The following AIFM3 variants were observed in gnomAD, a reference collection of about 807,000 sequenced individuals.
The protein encoded by AIFM3 is apoptosis-inducing factor 3.
AIFM3 carries 71 observed loss-of-function variants against 82.7 expected under a neutral mutation model. The observed-to-expected ratio is 0.86, with a 90% CI of 0.71 to 1.05. The LOEUF (loss-of-function observed/expected upper bound fraction) is 1.05, where lower values mean the gene tolerates loss of function less well. Ranked by LOEUF, AIFM3 falls within the 50% of genes least tolerant of loss-of-function variation. The pLI is 0.00. For missense variants in AIFM3, 748 were observed against 816.7 expected (o/e 0.92, Z 1.03); for synonymous variants, 337 against 329.1 (o/e 1.02, Z -0.26).
chr22:20,977,584 A>G, intron 14 of AIFM3, 116 bp from the exon 15 acceptor site: 6 of 1,318,594 alleles, frequency 4.6e-6, no homozygotes, highest in Non-Finnish European at 6.5e-6. Context: ...CCTCAGGTAG[A>G]CAGCCCCTGG....
chr22:20,973,655 C>T, intron 3 of AIFM3, 103 bp from the exon 4 acceptor site: 8 of 1,406,720 alleles, frequency 5.7e-6, no homozygotes. Flanking sequence ...TTTGTGGCTT[C>T]TACCGGTCTG....
At position 20,973,387 on chromosome 22, in the gene AIFM3, C is replaced by CG; in HGVS notation, c.115dup (p.Ala39GlyfsTer70). On this transcript the variant is annotated frameshift_variant, in exon 3 of 21. Transcript: ENST00000440238. LOFTEE classifies it high-confidence loss of function. ...GTCGGCCAGTGGGAAGGGCAGCCCC[C>CG]GGGCCTACCAGGGCAATGGCACGGC... 1 of 1,610,584 alleles carries CG rather than the reference C, an allele frequency of 6.2e-7. No homozygotes were observed.
chr22:20,967,955 G>T lies in AIFM3; in HGVS notation c.11G>T (p.Cys4Phe). MGG[C>F]FSKPKPVELK... The stretch of plus-strand genomic sequence containing the variant: ...CTCAGGCCACTCGCCATGGGCGGCT[G>T]CTTCTCCAAACCCAAACCAGGTACC... Residue 4 changes from cysteine (C) to phenylalanine (F), a missense_variant, in exon 2 of 21, where the codon TGC (cysteine) becomes TTC (phenylalanine). Around this residue, in one of 5 missense-constraint regions of AIFM3, gnomAD observed 17 missense variants for 19.0 expected, o/e 0.89. Transcript: ENST00000440238. 1 of 1,614,134 alleles carries T rather than the reference G, an allele frequency of 6.2e-7. No individual in the cohort carries two copies. The highest frequency in any genetic ancestry group is 1.1e-5 in the South Asian group (1 of 91,092).
In AIFM3 at chr22:20,967,925, C is replaced by T. The variant is rs1179793140; in HGVS notation, c.-20C>T. The T allele has an allele frequency of 6.2e-7, 1 of 1,614,116 alleles. No individual in the cohort carries two copies. Among genetic ancestry groups the T allele is most frequent in the Non-Finnish European group, 8.5e-7 (1 of 1,179,970 alleles). On this transcript the variant is annotated 5_prime_UTR_variant, in exon 2 of 21. Transcript: ENST00000440238. ...CCCCATCTGTGCTCCTGCCTGCCGG[C>T]CATCCTCAGGCCACTCGCCATGGGC... is the stretch of plus-strand genomic sequence containing the variant.
chr22:20,971,559 G>T (rs1923268801), intron 2 of AIFM3, among the ~76,000 whole-genome samples: 1 of 152,196 alleles, frequency 6.6e-6, no homozygotes, highest in Admixed American at 6.5e-5. Context: ...CCAGCCCAGG[G>T]GACAGCTCAG....
chr22:20,973,852 G>A lies in AIFM3; in HGVS notation c.340G>A (p.Ala114Thr), dbSNP rs752047647. 39 of 1,548,624 alleles carry A rather than the reference G, an allele frequency of 2.5e-5. No individual in the cohort carries two copies. The highest frequency in any genetic ancestry group is 2.9e-5 in the Non-Finnish European group (33 of 1,145,410). ...GGGCCATAAGTGTCCGCACTACGGC[G>A]CACCCCTGGTGAAAGGTGAGCTGTC... is the stretch of plus-strand genomic sequence containing the variant. ...ALGHKCPHYG[A>T]PLVKGVLSRG... The change falls in exon 4 of 21, where the codon GCA (alanine) becomes ACA (threonine). Residue 114 changes from alanine to threonine, a missense_variant. By Grantham distance (58) the Ala-to-Thr change is moderately conservative. Coordinates refer to ENST00000440238, the MANE Select transcript of AIFM3 (RefSeq NM_001386814.1).
intron 2 of AIFM3, among the ~76,000 whole-genome samples, chr22:20,970,606 G>A (rs760271849): frequency 5.9e-5 from 9 of 152,118 alleles, no homozygotes; most frequent in East Asian, 1.9e-4. Context: ...GATTATAAGC[G>A]CATGCCATCA....
intron 20 of AIFM3, 49 bp from the exon 21 acceptor site, chr22:20,980,943 G>A (rs1194147172): frequency 1.2e-6 from 2 of 1,613,812 alleles, no homozygotes; most frequent in African/African-American, 2.7e-5. Flanking sequence ...GCCCAGAGTG[G>A]AGAGCCTGTT....
chr22:20,977,144 A>G, intron 14 of AIFM3, 49 bp downstream of exon 14: 6 of 1,610,394 alleles, frequency 3.7e-6, no homozygotes, highest in Non-Finnish European at 4.2e-6. Flanking sequence ...AGCCGTCTGC[A>G]CATGCTCACA....
chr22:20,974,377 C>G (rs1458230539), intron 6 of AIFM3, 81 bp downstream of exon 6: 1 of 1,581,502 alleles, frequency 6.3e-7, no homozygotes, highest in African/African-American at 1.3e-5. Flanking sequence ...GTGCAAAGCC[C>G]TGTGGTGGGA....
rs772444327 is a variant in AIFM3 at position 20,973,507 on chromosome 22, C to T, written c.232C>T (p.Leu78Phe). ...VEAAVCHVKDLENGQMREVEL... is the reference protein window; with the variant it reads ...VEAAVCHVKDFENGQMREVEL... The stretch of plus-strand genomic sequence containing the variant: ...GGCTGCTGTCTGCCACGTCAAGGAC[C>T]TCGAGAATGGCCAGTGGGTTCTGGG... Residue 78 changes from leucine (L) to phenylalanine (F), a missense_variant, in exon 3 of 21, where the codon CTC becomes TTC. Around this residue, in one of 5 missense-constraint regions of AIFM3, gnomAD observed 148 missense variants for 134.1 expected, o/e 1.10. Coordinates refer to ENST00000440238, the MANE Select transcript of AIFM3 (RefSeq NM_001386814.1). 36 of 1,612,028 alleles carry T rather than the reference C, an allele frequency of 2.2e-5. No homozygotes were observed. In the Admixed American group the frequency reaches 4.3e-4, roughly 19 times the overall value.
In AIFM3 at chr22:20,973,788, G is replaced by C; in HGVS notation, c.276G>C (p.Lys92Asn). 6.3e-7 allele frequency: 1 copy of C among 1,581,376 alleles called. No homozygotes were observed. Among genetic ancestry groups the C allele is most frequent in the Admixed American group, 1.8e-5 (1 of 55,510 alleles). ...GGGAAGTGGAGCTGGGCTGGGGGAA[G>C]GTGTTGCTGGTGAAGGACAATGGGG... ...QMREVELGWG[K>N]VLLVKDNGEF... Residue 92 changes from lysine to asparagine, a missense_variant, in exon 4 of 21, where the codon AAG becomes AAC. Physicochemically the swap from Lys to Asn is moderately conservative, Grantham distance 94. Coordinates refer to ENST00000440238, the MANE Select transcript of AIFM3 (RefSeq NM_001386814.1).
At chr22:20,965,580 C>T (rs1291338841), upstream of AIFM3, 1 of 152,528 alleles carries the variant, frequency 6.6e-6, no homozygotes, top group African/African-American at 2.4e-5. Flanking sequence ...AGAGGCTTGC[C>T]CTGAGCTCCG....
chr22:20,978,586 G>C (rs1923850801), intron 16 of AIFM3, among the ~76,000 whole-genome samples: 1 of 151,996 alleles, frequency 6.6e-6, no homozygotes, highest in South Asian at 2.1e-4. Flanking sequence ...GCCTCAGAGA[G>C]AGGACTGCCA....
chr22:20,971,827 T>G (rs769076439), intron 2 of AIFM3, among the ~76,000 whole-genome samples: 1 of 152,184 alleles, frequency 6.6e-6, no homozygotes, highest in African/African-American at 2.4e-5. Flanking sequence ...CCCTTCTAAT[T>G]AGAAAAATAT....
Position 20,967,941 on chromosome 22 carries a change from C to T in AIFM3, c.-4C>T, listed in dbSNP as rs765233522. The T allele has an allele frequency of 5.0e-6, 8 of 1,614,038 alleles. No individual in the cohort carries two copies. Among genetic ancestry groups the T allele is most frequent in the African/African-American group, 1.3e-5 (1 of 74,948 alleles). On this transcript the variant is annotated 5_prime_UTR_variant, in exon 2 of 21. Coordinates refer to ENST00000440238, the MANE Select transcript of AIFM3 (RefSeq NM_001386814.1). ...GCCTGCCGGCCATCCTCAGGCCACT[C>T]GCCATGGGCGGCTGCTTCTCCAAAC...
chr22:20,975,270 C>CT (rs982854869), intron 8 of AIFM3, among the ~76,000 whole-genome samples: 2 of 151,682 alleles, frequency 1.3e-5, no homozygotes, highest in Non-Finnish European at 2.9e-5. Flanking sequence ...CCTGGCTTTT[C>CT]TTTTTTTGAG....
At position 20,974,836 on chromosome 22, in the gene AIFM3, T is replaced by C. The variant is rs1923532448; in HGVS notation, c.720+20T>C. The C allele has an allele frequency of 1.2e-6, 2 of 1,609,518 alleles. No individual in the cohort carries two copies. The highest frequency in any genetic ancestry group is 1.7e-6 in the Non-Finnish European group (2 of 1,178,294). On this transcript the variant is annotated intron_variant, in intron 8 of 20. Coordinates refer to ENST00000440238, the MANE Select transcript of AIFM3 (RefSeq NM_001386814.1). ...AGCAAGGTACAGGGGGTGGGGCAAG[T>C]AGGGACCCTATCCCTCTGGGTCCCA...
At chr22:20,971,790 T>C (rs1338315089) in intron 2 of AIFM3, among the ~76,000 whole-genome samples, 1 of 152,248 alleles carries the variant, frequency 6.6e-6, no homozygotes, top group African/African-American at 2.4e-5. Context: ...GGCCAGATTA[T>C]TGCTGCTAAA....
Sources: gnomAD v4.1 joint callset for allele counts (sites outside exome capture counted in the v4.1 genomes callset) on GRCh38, gnomAD v4.1.1 for gene constraint, gnomAD v4.1.1 regional missense constraint, MANE v1.5 for transcripts, NCBI Gene and HGNC (gene_info 2026-07-23, HGNC 2026-07-21) for gene names.